Variants in ANO10 observed in about 807,000 individuals in gnomAD.
The protein encoded by ANO10 is anoctamin 10, also known as anoctamin-10.
In ANO10, 77 loss-of-function variants were observed where a neutral mutation model predicts 74.7. That is an observed-to-expected ratio of 1.03 (90% CI 0.86 to 1.25). The LOEUF is 1.25. ANO10 is among the 50% of genes most tolerant of loss of function. ANO10 has a pLI of 0.00. For missense variants in ANO10, 721 were observed against 778.1 expected (o/e 0.93, Z 0.87); for synonymous variants, 279 against 284.9 (o/e 0.98, Z 0.21).
intron 5 of ANO10, among the ~76,000 whole-genome samples, chr3:43,577,965 T>G (rs2081091238): frequency 6.6e-6 from 1 of 152,182 alleles, no homozygotes; most frequent in East Asian, 1.9e-4. Context: ...CTGCATCCTT[T>G]GCCAGCCTCA....
intron 12 of ANO10, among the ~76,000 whole-genome samples, chr3:43,375,508 A>G (rs937837853): frequency 1.3e-5 from 2 of 151,876 alleles, no homozygotes; most frequent in African/African-American, 4.8e-5. Context: ...TTTTTTTTTA[A>G]AGAAAGGCTT....
At chr3:43,433,017 TG>T (rs1482085999) in intron 11 of ANO10, among the ~76,000 whole-genome samples, 2 of 135,474 alleles carry the variant, frequency 1.5e-5, no homozygotes, top group Non-Finnish European at 3.1e-5. Flanking sequence ...AGGAGTGCAG[TG>T]GCACGATCTT....
At chr3:43,615,020 G>A (rs1364910262) in intron 1 of ANO10, among the ~76,000 whole-genome samples, 1 of 151,010 alleles carries the variant, frequency 6.6e-6, no homozygotes, top group African/African-American at 2.4e-5. Flanking sequence ...TTAACATGGA[G>A]AGATTTCCTG....
At chr3:43,465,743 C>A (rs186429685) in intron 11 of ANO10, among the ~76,000 whole-genome samples, 1 of 151,848 alleles carries the variant, frequency 6.6e-6, no homozygotes, top group African/African-American at 2.4e-5. Flanking sequence ...CATGACTGTA[C>A]CAGCAATTAA....
chr3:43,437,744 T>C (rs768141167), intron 11 of ANO10, among the ~76,000 whole-genome samples: 12 of 152,076 alleles, frequency 7.9e-5, no homozygotes, highest in African/African-American at 1.2e-4. Flanking sequence ...TTTGAGAGAC[T>C]CTCTGATTCT....
chr3:43,690,670 C>T (rs1303154471), intron 1 of ANO10: 2 of 340,266 alleles, frequency 5.9e-6, no homozygotes, highest in Non-Finnish European at 1.1e-5. Context: ...TGCATGAATA[C>T]AGTCATTATT....
intron 11 of ANO10, among the ~76,000 whole-genome samples, chr3:43,454,178 A>C (rs2075020861): frequency 6.6e-6 from 1 of 152,196 alleles, no homozygotes; most frequent in Admixed American, 6.5e-5. Flanking sequence ...GCCCTGAGGC[A>C]GTAGCCTGGC....
intron 12 of ANO10, among the ~76,000 whole-genome samples, chr3:43,394,210 C>G (rs753062328): frequency 6.6e-6 from 1 of 152,064 alleles, no homozygotes; most frequent in Non-Finnish European, 1.5e-5. Flanking sequence ...ACGTTGTCCC[C>G]CTCTGGTCCC....
intron 4 of ANO10, among the ~76,000 whole-genome samples, chr3:43,587,400 C>A (rs555308444): frequency 1.8e-4 from 28 of 152,156 alleles, no homozygotes; most frequent in East Asian, 1.5e-3. Context: ...AACGGGGAGG[C>A]CAGGGGAGTC....
intron 11 of ANO10, among the ~76,000 whole-genome samples, chr3:43,533,820 C>G (rs1438790727): frequency 6.6e-6 from 1 of 152,190 alleles, no homozygotes; most frequent in Non-Finnish European, 1.5e-5. Flanking sequence ...TTCCAAAGTT[C>G]AATAGCATCA....
chr3:43,657,918 A>G (rs530241628), intron 1 of ANO10, among the ~76,000 whole-genome samples: 1 of 152,248 alleles, frequency 6.6e-6, no homozygotes, highest in South Asian at 2.1e-4. Flanking sequence ...AAAAAGTTAT[A>G]TAGCCCTTAA....
intron 11 of ANO10, among the ~76,000 whole-genome samples, chr3:43,475,901 C>T (rs2076048299): frequency 6.6e-6 from 1 of 152,108 alleles, no homozygotes; most frequent in South Asian, 2.1e-4. Flanking sequence ...CACACCTGGC[C>T]TACAAATTTG....
chr3:43,536,758 G>A (rs1241216624), intron 11 of ANO10, among the ~76,000 whole-genome samples: 1 of 151,906 alleles, frequency 6.6e-6, no homozygotes, highest in Non-Finnish European at 1.5e-5. Flanking sequence ...GTTTTCGGTT[G>A]CCTTGTTCTT....
intron 11 of ANO10, among the ~76,000 whole-genome samples, chr3:43,521,251 A>G (rs528108160): frequency 1.3e-5 from 2 of 152,350 alleles, no homozygotes; most frequent in African/African-American, 4.8e-5. Context: ...AAAAGAAAAC[A>G]TTCAGCCTTT....
intron 12 of ANO10, among the ~76,000 whole-genome samples, chr3:43,424,986 G>T (rs977329593): frequency 6.6e-6 from 1 of 152,014 alleles, no homozygotes; most frequent in African/African-American, 2.4e-5. Context: ...GACCTGACTT[G>T]GGGCCCCAGG....
chr3:43,571,636 G>A (rs1238985047), intron 7 of ANO10, among the ~76,000 whole-genome samples: 1 of 150,598 alleles, frequency 6.6e-6, no homozygotes, highest in Non-Finnish European at 1.5e-5. Flanking sequence ...ACTGAACAAT[G>A]AGATCACATG....
chr3:43,476,212 C>G (rs768226476), intron 11 of ANO10, among the ~76,000 whole-genome samples: 1 of 151,838 alleles, frequency 6.6e-6, no homozygotes, highest in Non-Finnish European at 1.5e-5. Context: ...TGTATTTAAT[C>G]ATGTCTAAAT....
At chr3:43,459,361 T>C (rs2075281150) in intron 11 of ANO10, among the ~76,000 whole-genome samples, 1 of 152,178 alleles carries the variant, frequency 6.6e-6, no homozygotes, top group Non-Finnish European at 1.5e-5. Context: ...AAATTGAGCA[T>C]CATCCAATTC....
rs535758363 is a variant in ANO10 at position 43,615,798 on chromosome 3, G to C, written c.-12+6111C>G. Among the ~76,000 whole-genome samples the C allele has an allele frequency of 4.3e-4, 66 of 151,744 alleles. No homozygotes were observed. The South Asian group carries it at 6.9e-3, about 16-fold the overall frequency. Reference sequence around the variant, plus strand: ...CCTCCCGAGTAGCTGGGACTACAGGGGCATGCCACCACGCCCAGCTAAGTT... The same window carrying C: ...CCTCCCGAGTAGCTGGGACTACAGGCGCATGCCACCACGCCCAGCTAAGTT... On this transcript the variant is annotated intron_variant, in intron 1 of 12. Coordinates refer to ENST00000292246, the MANE Select transcript of ANO10 (RefSeq NM_018075.5).
Sources: gnomAD v4.1 joint callset for allele counts (sites outside exome capture counted in the v4.1 genomes callset) on GRCh38, gnomAD v4.1.1 for gene constraint, MANE v1.5 for transcripts, NCBI Gene and HGNC (gene_info 2026-07-23, HGNC 2026-07-21) for gene names.